PTPRD: variants seen among roughly 807,000 people sequenced by gnomAD.
PTPRD encodes receptor-type tyrosine-protein phosphatase delta.
Under a neutral mutation model 214.5 loss-of-function variants are expected in PTPRD, and 34 were observed. That is an observed-to-expected ratio of 0.16 (90% CI 0.12 to 0.21). PTPRD has a LOEUF of 0.21. PTPRD is among the 10% of genes least tolerant of loss of function. The pLI is 1.00. For synonymous variants in PTPRD, 1,128 were observed against 845.7 expected, an observed-to-expected ratio of 1.33 and a Z score of -5.79; for missense variants, 2,545 against 2,398.7, an observed-to-expected ratio of 1.06 and a Z score of -1.27.
Position 9,181,535 on chromosome 9 carries a change from A to G in PTPRD, c.-143+1769T>C, listed in dbSNP as rs897163715. The stretch of plus-strand genomic sequence containing the variant: ...AATTTATGTACCTCCTACTGTGTCA[A>G]ATAGTATTCACCAAAGCAGCTTTCA... On this transcript the variant is annotated intron_variant, in intron 10 of 45. Transcript: ENST00000381196. Among the ~76,000 whole-genome samples, 4 of 152,006 alleles carry G rather than the reference A, an allele frequency of 2.6e-5. No homozygotes were observed. The East Asian group carries it at 7.7e-4, about 29-fold the overall frequency.
At chr9:9,582,387 T>C (rs964080157) in intron 7 of PTPRD, among the ~76,000 whole-genome samples, 1 of 152,022 alleles carries the variant, frequency 6.6e-6, no homozygotes, top group Admixed American at 6.6e-5. Flanking sequence ...TCATATATCA[T>C]AAGAGGCCAC....
intron 9 of PTPRD, among the ~76,000 whole-genome samples, chr9:9,362,875 A>G (rs1232927520): frequency 6.6e-6 from 1 of 151,358 alleles, no homozygotes; most frequent in Non-Finnish European, 1.5e-5. Flanking sequence ...AAAAGAATAG[A>G]TAGAATAATT....
chr9:10,295,979 A>G (rs1026885294), intron 3 of PTPRD, among the ~76,000 whole-genome samples: 12 of 152,056 alleles, frequency 7.9e-5, no homozygotes, highest in Admixed American at 3.9e-4. Context: ...TCTCAGTGTA[A>G]GGTTCCTTAC....
At chr9:9,248,980 C>A (rs2099974257) in intron 9 of PTPRD, among the ~76,000 whole-genome samples, 1 of 151,956 alleles carries the variant, frequency 6.6e-6, no homozygotes, top group Non-Finnish European at 1.5e-5. Context: ...GAACGGGAGT[C>A]ATAAAGCAAG....
chr9:8,968,468 C>G (rs1243185859), intron 11 of PTPRD, among the ~76,000 whole-genome samples: 1 of 151,898 alleles, frequency 6.6e-6, no homozygotes, highest in Non-Finnish European at 1.5e-5. Flanking sequence ...GAGATGGTAT[C>G]TCATTGTGGT....
At chr9:8,654,380 T>A (rs1057138111) in intron 12 of PTPRD, among the ~76,000 whole-genome samples, 2 of 152,182 alleles carry the variant, frequency 1.3e-5, no homozygotes, top group Admixed American at 6.5e-5. Context: ...ATGTAGTGGG[T>A]ACTCCTCCGA....
At chr9:10,044,028 TAGA>T (rs2097345040) in intron 3 of PTPRD, among the ~76,000 whole-genome samples, 1 of 151,780 alleles carries the variant, frequency 6.6e-6, no homozygotes, top group Admixed American at 6.6e-5. Flanking sequence ...GTTCCCTTTG[TAGA>T]GGGTCTAACA....
intron 2 of PTPRD, among the ~76,000 whole-genome samples, chr9:10,507,070 CCTT>C (rs1469929965): frequency 1.3e-5 from 2 of 152,052 alleles, no homozygotes; most frequent in Admixed American, 1.3e-4. Flanking sequence ...CCCAAAATCT[CCTT>C]AAGTTGATAA....
intron 45 of PTPRD, among the ~76,000 whole-genome samples, chr9:8,318,204 T>C (rs976698662): frequency 2.0e-5 from 3 of 151,966 alleles, no homozygotes; most frequent in Non-Finnish European, 2.9e-5. Flanking sequence ...GAACATTACC[T>C]TCCCAGACAA....
rs540804635 is a variant in PTPRD, at chr9:9,195,086, G to GTATATATATA, written c.-202-11733_-202-11724dup. Among the ~76,000 whole-genome samples, 666 of 131,170 alleles carry GTATATATATA rather than the reference G, an allele frequency of 5.1e-3. 3 individuals are homozygous for GTATATATATA. Among genetic ancestry groups the GTATATATATA allele is most frequent in the South Asian group, 0.011 (42 of 3,710 alleles). The allele number at this position is 131,170 out of a possible 152,430, so 86.1% of individuals were successfully genotyped here. On this transcript the variant is annotated intron_variant, in intron 9 of 45. Transcript: ENST00000381196. ...CATATATACATATGTGTGTGTTTGT[G>GTATATATATA]TATATATATATATATATATATACAC...
chr9:8,753,984 A>C (rs138156845), intron 11 of PTPRD, among the ~76,000 whole-genome samples: 165 of 152,164 alleles, frequency 1.1e-3, no homozygotes, highest in African/African-American at 3.7e-3. Flanking sequence ...GTCTCTACTA[A>C]AAATACAAAA....
chr9:9,514,386 G>T (rs72706521), intron 8 of PTPRD, among the ~76,000 whole-genome samples: 9,207 of 152,076 alleles, frequency 0.061, 349 homozygotes, highest in African/African-American at 0.1. Flanking sequence ...CTGTCAGTTT[G>T]GAGCTGTGTG....
intron 9 of PTPRD, among the ~76,000 whole-genome samples, chr9:9,269,196 A>G (rs187084296): frequency 2.6e-5 from 4 of 151,548 alleles, no homozygotes; most frequent in African/African-American, 9.6e-5. Context: ...TTAAAAAATT[A>G]TCAAAGAACC....
At position 10,432,169 on chromosome 9, in the gene PTPRD, A is replaced by G. The variant is rs1321320877; in HGVS notation, c.-599-91152T>C. On this transcript the variant is annotated intron_variant, in intron 2 of 45. Transcript: ENST00000381196. ...GATGAAATTGGAAATCATCATTCTCAGTAAACTATCGCAAGAACAAAAAAC... is the reference window on the plus strand; with the variant it reads ...GATGAAATTGGAAATCATCATTCTCGGTAAACTATCGCAAGAACAAAAAAC... Among the ~76,000 whole-genome samples, 13 of 151,640 alleles carry G rather than the reference A, an allele frequency of 8.6e-5. No homozygotes were observed. The East Asian group carries it at 2.6e-3, about 30-fold the overall frequency.
intron 2 of PTPRD, among the ~76,000 whole-genome samples, chr9:10,400,881 C>A (rs1010582597): frequency 6.6e-6 from 1 of 151,438 alleles, no homozygotes; most frequent in Non-Finnish European, 1.5e-5. Context: ...CCTTTGTATT[C>A]AATGCTATTT....
intron 2 of PTPRD, among the ~76,000 whole-genome samples, chr9:10,590,587 G>T (rs1322636458): frequency 6.6e-6 from 1 of 151,794 alleles, no homozygotes; most frequent in Non-Finnish European, 1.5e-5. Context: ...TGTTGTCTCT[G>T]GCTTCTTTTT....
chr9:9,556,744 A>G (rs1020080908), intron 8 of PTPRD, among the ~76,000 whole-genome samples: 2 of 152,206 alleles, frequency 1.3e-5, no homozygotes, highest in Non-Finnish European at 2.9e-5. Context: ...GTTACATCCA[A>G]ACTTCAAAAT....
intron 7 of PTPRD, among the ~76,000 whole-genome samples, chr9:9,602,417 G>C (rs1289594779): frequency 6.6e-6 from 1 of 151,850 alleles, no homozygotes; most frequent in African/African-American, 2.4e-5. Flanking sequence ...TCTACAATGT[G>C]TTAAGTACGT....
intron 8 of PTPRD, among the ~76,000 whole-genome samples, chr9:9,443,165 TA>T (rs1237799231): frequency 1.8e-4 from 28 of 152,040 alleles, no homozygotes; most frequent in Admixed American, 1.6e-3. Flanking sequence ...CATTCCTCTT[TA>T]AAAAAAATCT....
Sources: gnomAD v4.1 joint callset for allele counts (sites outside exome capture counted in the v4.1 genomes callset) on GRCh38, gnomAD v4.1.1 for gene constraint, MANE v1.5 for transcripts, NCBI Gene and HGNC (gene_info 2026-07-23, HGNC 2026-07-21) for gene names.